Variants in EFCAB5 observed in about 807,000 individuals in gnomAD.
EFCAB5 encodes EF-hand calcium-binding domain-containing protein 5.
EFCAB5 carries 131 observed loss-of-function variants against 167.9 expected under a neutral mutation model. The observed-to-expected ratio is 0.78, with a 90% CI of 0.68 to 0.90. EFCAB5 has a LOEUF of 0.90. Ranked by LOEUF, EFCAB5 falls within the 40% of genes least tolerant of loss-of-function variation. The pLI, the probability that EFCAB5 is intolerant of heterozygous loss-of-function variation, is 0.00. For synonymous variants in EFCAB5, 574 were observed against 602.8 expected (o/e 0.95, Z 0.70); for missense variants, 1,663 against 1,745.2 (o/e 0.95, Z 0.84).
Position 30,053,542 on chromosome 17 carries a change from A to C in EFCAB5, c.1588A>C (p.Lys530Gln), listed in dbSNP as rs1436325583. The C allele has an allele frequency of 5.6e-6, 9 of 1,613,788 alleles. No individual in the cohort carries two copies. The highest frequency in any genetic ancestry group is 1.3e-5 in the African/African-American group (1 of 74,924). Reference sequence around the variant, plus strand: ...TTCAATTGAAGAACAACAACAAGGCAAAAAGCCAACTGCAGAGCAAGAACT... The same window carrying C: ...TTCAATTGAAGAACAACAACAAGGCCAAAAGCCAACTGCAGAGCAAGAACT... ...RISIEEQQQG[K>Q]KPTAEQELYI... is the part of the protein sequence containing the mutation. Residue 530 changes from lysine to glutamine, a missense_variant, in exon 10 of 23, where the codon AAA (lysine) becomes CAA (glutamine). Physicochemically the swap from Lys to Gln is moderately conservative, Grantham distance 53 (BLOSUM62 1). Transcript: ENST00000394835.
chr17:29,980,028 G>T (rs1218609504), intron 4 of EFCAB5, among the ~76,000 whole-genome samples: 1 of 152,020 alleles, frequency 6.6e-6, no homozygotes, highest in Non-Finnish European at 1.5e-5. Context: ...AATTAGCTGG[G>T]CATGGTGGTG....
At chr17:30,088,765 C>T (rs2071137655) in intron 19 of EFCAB5, among the ~76,000 whole-genome samples, 2 of 152,188 alleles carry the variant, frequency 1.3e-5, no homozygotes, top group African/African-American at 4.8e-5. Context: ...TAATCCCAGA[C>T]CAGTAGGCTA....
intron 14 of EFCAB5, chr17:30,073,258 T>G: frequency 1.6e-6 from 1 of 624,726 alleles, no homozygotes; most frequent in Non-Finnish European, 2.9e-6. Flanking sequence ...GGTCTCTCTG[T>G]GTTGCCCATG....
chr17:29,930,544 T>TA (rs986062123), intron 1 of EFCAB5, among the ~76,000 whole-genome samples: 5 of 151,650 alleles, frequency 3.3e-5, no homozygotes, highest in African/African-American at 9.7e-5. Flanking sequence ...TAACCAACCT[T>TA]AAAAAAAAGC....
chr17:30,059,570 G>T lies in EFCAB5; in HGVS notation c.2606G>T (p.Arg869Leu). The change falls in exon 14 of 23, where the codon CGA (arginine) becomes CTA (leucine). Residue 869 changes from arginine (R) to leucine (L), a missense_variant. Arg to Leu is a moderately radical substitution (Grantham distance 102). Transcript: ENST00000394835. The part of the protein sequence containing the change: ...EQFSQNAFQV[R>L]QRLLLEAIFQ... ...TTTAGCCAAAATGCTTTCCAAGTCCGACAGAGGCTTCTCCTAGAAGCCATC... is the reference window on the plus strand; with the variant it reads ...TTTAGCCAAAATGCTTTCCAAGTCCTACAGAGGCTTCTCCTAGAAGCCATC... 6.2e-7 allele frequency: 1 copy of T among 1,607,042 alleles called. No homozygotes were observed. Among genetic ancestry groups the T allele is most frequent in the South Asian group, 1.1e-5 (1 of 90,238 alleles).
chr17:29,967,657 C>G (rs568750240), intron 3 of EFCAB5, among the ~76,000 whole-genome samples: 2 of 152,134 alleles, frequency 1.3e-5, no homozygotes, highest in Non-Finnish European at 2.9e-5. Flanking sequence ...AGTATTCTTG[C>G]GCATTTTTTA....
At chr17:29,988,443 T>C (rs993376773) in intron 4 of EFCAB5, among the ~76,000 whole-genome samples, 1 of 152,180 alleles carries the variant, frequency 6.6e-6, no homozygotes, top group Non-Finnish European at 1.5e-5. Context: ...TGAGCTGAAG[T>C]ATAGGGTGTC....
intron 1 of EFCAB5, among the ~76,000 whole-genome samples, chr17:29,930,935 C>A (rs1188537841): frequency 6.6e-6 from 1 of 152,178 alleles, no homozygotes; most frequent in Non-Finnish European, 1.5e-5. Flanking sequence ...TGAAGACAGT[C>A]TTTTAATTAA....
intron 12 of EFCAB5, 137 bp from the exon 13 acceptor site, chr17:30,057,539 G>T: frequency 1.4e-6 from 1 of 698,006 alleles, no homozygotes; most frequent in South Asian, 1.9e-5. Flanking sequence ...AAAAAAGGAG[G>T]ATGCTGTCCT....
At chr17:30,038,400 A>C (rs2069681760) in intron 8 of EFCAB5, among the ~76,000 whole-genome samples, 1 of 152,220 alleles carries the variant, frequency 6.6e-6, no homozygotes. Flanking sequence ...TTTTAATCAC[A>C]CTGTGGAGAC....
At chr17:29,959,040 G>A (rs528193236) in intron 3 of EFCAB5, among the ~76,000 whole-genome samples, 2 of 152,312 alleles carry the variant, frequency 1.3e-5, no homozygotes, top group South Asian at 4.1e-4. Context: ...TGGACTTATG[G>A]GAAGAGTGAC....
intron 3 of EFCAB5, among the ~76,000 whole-genome samples, chr17:29,964,482 A>G (rs545687975): frequency 6.7e-4 from 102 of 152,140 alleles, no homozygotes; most frequent in African/African-American, 2.4e-3. Context: ...TTTAGTAGAG[A>G]CGGGTTTTCA....
At chr17:29,981,857 A>G (rs987355666) in intron 4 of EFCAB5, among the ~76,000 whole-genome samples, 1 of 152,190 alleles carries the variant, frequency 6.6e-6, no homozygotes, top group African/African-American at 2.4e-5. Context: ...ATTAATCATC[A>G]CTATTTAATG....
At chr17:29,970,996 A>G (rs2067942565) in intron 4 of EFCAB5, among the ~76,000 whole-genome samples, 1 of 149,936 alleles carries the variant, frequency 6.7e-6, no homozygotes, top group South Asian at 2.1e-4. Flanking sequence ...AATCACTTGA[A>G]CCTGGGAGGC....
intron 1 of EFCAB5, among the ~76,000 whole-genome samples, chr17:29,934,803 G>T (rs2151506395): frequency 6.6e-6 from 1 of 152,196 alleles, no homozygotes; most frequent in South Asian, 2.1e-4. Flanking sequence ...CCCTGATTTT[G>T]GGGGGCTGCT....
At chr17:29,945,567 A>G (rs922439249) in intron 3 of EFCAB5, among the ~76,000 whole-genome samples, 3 of 152,064 alleles carry the variant, frequency 2.0e-5, no homozygotes, top group Admixed American at 6.5e-5. Context: ...TTTTTTTAAG[A>G]GAAAAAAAAA....
chr17:29,983,224 A>G (rs995645308), intron 4 of EFCAB5, among the ~76,000 whole-genome samples: 3 of 152,202 alleles, frequency 2.0e-5, no homozygotes, highest in African/African-American at 7.2e-5. Flanking sequence ...TCACTTTTGT[A>G]GTGGTTGGCA....
chr17:30,003,014 G>A (rs2068694425), intron 7 of EFCAB5, among the ~76,000 whole-genome samples: 1 of 149,170 alleles, frequency 6.7e-6, no homozygotes, highest in African/African-American at 2.5e-5. Flanking sequence ...CTGAAGACAT[G>A]AATGTTAGAT....
intron 4 of EFCAB5, among the ~76,000 whole-genome samples, chr17:29,989,150 T>C (rs2068355861): frequency 6.6e-6 from 1 of 152,206 alleles, no homozygotes; most frequent in Admixed American, 6.5e-5. Flanking sequence ...CTACATATGG[T>C]TACTTTCTGT....
Sources: gnomAD v4.1 joint callset for allele counts (sites outside exome capture counted in the v4.1 genomes callset) on GRCh38, gnomAD v4.1.1 for gene constraint, MANE v1.5 for transcripts, NCBI Gene and HGNC (gene_info 2026-07-23, HGNC 2026-07-21) for gene names.